The following FAM200B variants were observed in gnomAD, a reference collection of about 807,000 sequenced individuals.
FAM200B encodes protein FAM200B.
FAM200B carries 32 observed loss-of-function variants against 33.1 expected under a neutral mutation model. That is an observed-to-expected ratio of 0.97 (90% confidence interval 0.73 to 1.30). The LOEUF (loss-of-function observed/expected upper bound fraction) is 1.30. FAM200B is among the 50% of genes most tolerant of loss of function. The pLI, the probability that FAM200B is intolerant of heterozygous loss-of-function variation, is 0.00. For missense variants in FAM200B, 741 were observed against 754.0 expected, an observed-to-expected ratio of 0.98 and a Z score of 0.20; for synonymous variants, 240 against 264.8, an observed-to-expected ratio of 0.91 and a Z score of 0.91.
chr4:15,657,639 G>A, the FAM200B span, among the ~76,000 whole-genome samples: 3 of 152,236 alleles, frequency 2.0e-5, no homozygotes, highest in African/African-American at 7.2e-5. Flanking sequence ...ATGAAAGAAA[G>A]TGATTTTAAA....
Position 15,688,247 on chromosome 4 carries a change from A to C in FAM200B, c.1270A>C (p.Thr424Pro), listed in dbSNP as rs1719075107. The change falls in exon 2 of 2, where the codon ACT becomes CCT. Residue 424 changes from threonine to proline, a missense_variant. Thr to Pro is a conservative substitution (Grantham distance 38). Coordinates refer to ENST00000422728, the MANE Select transcript of FAM200B (RefSeq NM_001145191.2). ...TTTGGCAAGTATTTTTGAAGATGAT[A>C]CTTGGGTAACAAAATTGGCATATTT... The part of the protein sequence containing the change: ...SHLASIFEDD[T>P]WVTKLAYLTD... 1 of 1,549,454 alleles carries C rather than the reference A, an allele frequency of 6.5e-7. No individual in the cohort carries two copies. Among genetic ancestry groups the C allele is most frequent in the African/African-American group, 1.4e-5 (1 of 73,000 alleles).
the FAM200B span, among the ~76,000 whole-genome samples, chr4:15,654,670 G>C: frequency 6.6e-6 from 1 of 152,222 alleles, no homozygotes; most frequent in African/African-American, 2.4e-5. Flanking sequence ...AAAAGGAACC[G>C]GGTAGCTGGG....
rs992243569 is a variant in FAM200B, at chr4:15,686,712, A to G, written c.-266A>G. On this transcript the variant is annotated 5_prime_UTR_variant, in exon 2 of 2. Coordinates refer to ENST00000422728, the MANE Select transcript of FAM200B (RefSeq NM_001145191.2). ...TTGATGGAGGAGATATGATGAATAGAATGTATATTGGCTAAGAAATGGTTT... is the reference window on the plus strand; with the variant it reads ...TTGATGGAGGAGATATGATGAATAGGATGTATATTGGCTAAGAAATGGTTT... 4.3e-6 allele frequency: 1 copy of G among 234,040 alleles called. No homozygotes were observed. The highest frequency in any genetic ancestry group is 2.3e-5 in the African/African-American group (1 of 44,378). The allele number at this position is 234,040 out of a possible 1,614,324, so 14.5% of individuals were successfully genotyped here.
the FAM200B span, among the ~76,000 whole-genome samples, chr4:15,676,432 T>C: frequency 1.1e-4 from 17 of 151,670 alleles, no homozygotes; most frequent in African/African-American, 4.1e-4. Context: ...CTACAACAAA[T>C]AAATGTCAAC....
chr4:15,672,837 C>T, the FAM200B span, among the ~76,000 whole-genome samples: 5 of 152,088 alleles, frequency 3.3e-5, no homozygotes, highest in African/African-American at 1.2e-4. Flanking sequence ...CTTGTAATAA[C>T]ATTTAGCTTA....
chr4:15,664,485 T>G, the FAM200B span, among the ~76,000 whole-genome samples: 1 of 151,682 alleles, frequency 6.6e-6, no homozygotes, highest in African/African-American at 2.4e-5. Context: ...CTTATAAAGT[T>G]AAATATACTG....
At chr4:15,674,862 G>A in the FAM200B span, among the ~76,000 whole-genome samples, 3 of 152,110 alleles carry the variant, frequency 2.0e-5, no homozygotes, top group Non-Finnish European at 4.4e-5. Context: ...TGTTAGCCAG[G>A]ATGGTCTCGA....
chr4:15,660,649 G>C, the FAM200B span, among the ~76,000 whole-genome samples: 1 of 152,040 alleles, frequency 6.6e-6, no homozygotes, highest in East Asian at 1.9e-4. Context: ...GTAAAGACTT[G>C]GTCTGGGACA....
At chr4:15,656,867 C>T in the FAM200B span, among the ~76,000 whole-genome samples, 1 of 151,994 alleles carries the variant, frequency 6.6e-6, no homozygotes, top group Admixed American at 6.6e-5. Context: ...GAAATTAAGT[C>T]TTCAAGACAT....
the FAM200B span, among the ~76,000 whole-genome samples, chr4:15,655,822 C>A: frequency 6.6e-6 from 1 of 152,184 alleles, no homozygotes; most frequent in Non-Finnish European, 1.5e-5. Context: ...CTGCGATTGG[C>A]CCGTGCCAGA....
At chr4:15,645,973 T>C in the FAM200B span, among the ~76,000 whole-genome samples, 1 of 152,354 alleles carries the variant, frequency 6.6e-6, no homozygotes, top group East Asian at 1.9e-4. Context: ...CTTGCCTTTA[T>C]GGAGTTTCCA....
Position 15,687,902 on chromosome 4 carries a change from G to A in FAM200B, c.925G>A (p.Val309Ile). Residue 309 changes from valine (V) to isoleucine (I), a missense_variant, in exon 2 of 2, where the codon GTA (valine) becomes ATA (isoleucine). Physicochemically the swap from Val to Ile is conservative, Grantham distance 29. Coordinates refer to ENST00000422728, the MANE Select transcript of FAM200B (RefSeq NM_001145191.2). ...AACCATGACTGGAAAACATAGCAGA[G>A]TAATTAAAAAATTACTAGAAGTTAC... ...TATMTGKHSR[V>I]IKKLLEVTNN... 3 of 1,550,808 alleles carry A rather than the reference G, an allele frequency of 1.9e-6. No homozygotes were observed. Among genetic ancestry groups the A allele is most frequent in the Non-Finnish European group, 2.6e-6 (3 of 1,146,392 alleles).
At chr4:15,678,493 C>A (rs1199898777), upstream of FAM200B, among the ~76,000 whole-genome samples, 1 of 152,066 alleles carries the variant, frequency 6.6e-6, no homozygotes. Flanking sequence ...TTCATGCAAA[C>A]GAAGAAAAGC....
chr4:15,679,877 C>G (rs1199237571), upstream of FAM200B, among the ~76,000 whole-genome samples: 1 of 152,096 alleles, frequency 6.6e-6, no homozygotes, highest in South Asian at 2.1e-4. Flanking sequence ...AACACATTTC[C>G]TCTTGGATCC....
rs757851157 is a variant in FAM200B, at chr4:15,687,617, A to G, written c.640A>G (p.Met214Val). 6.4e-7 allele frequency: 1 copy of G among 1,550,990 alleles called. No homozygotes were observed. The highest frequency in any genetic ancestry group is 2.4e-5 in the East Asian group (1 of 40,878). ...ICTIAEHLET[M>V]LITRLQSGID... ...TACTATTGCAGAACATTTAGAAACA[A>G]TGCTTATTACTCGTTTACAGTCTGG... Residue 214 changes from methionine to valine, a missense_variant, in exon 2 of 2, where the codon ATG becomes GTG. Met to Val is a conservative substitution (Grantham distance 21). Coordinates refer to ENST00000422728, the MANE Select transcript of FAM200B (RefSeq NM_001145191.2).
chr4:15,679,384 C>T (rs1718116499), upstream of FAM200B, among the ~76,000 whole-genome samples: 1 of 151,992 alleles, frequency 6.6e-6, no homozygotes, highest in Non-Finnish European at 1.5e-5. Flanking sequence ...TATTAATTAT[C>T]CATCCAGTAG....
At chr4:15,681,347 G>T, upstream of FAM200B, 1 of 162,890 alleles carries the variant, frequency 6.1e-6, no homozygotes. Context: ...GGCCGGGAGC[G>T]CTTACCCCGC....
rs1718934415 is a variant in FAM200B, at chr4:15,687,217, A to G, written c.240A>G (p.Glu80=). The change falls in exon 2 of 2, where the codon GAA becomes GAG. Residue 80 remains glutamate, a synonymous_variant. Coordinates refer to ENST00000422728, the MANE Select transcript of FAM200B (RefSeq NM_001145191.2). ...YGFIKCEKPF[E]NDRPQCVICN... is the part of the protein sequence containing the mutation. ...TTATCAAATGTGAAAAACCCTTTGA[A>G]AATGACAGACCTCAGTGTGTTATTT... 4 of 1,540,214 alleles carry G rather than the reference A, an allele frequency of 2.6e-6. No individual in the cohort carries two copies. Among genetic ancestry groups the G allele is most frequent in the East Asian group, 2.5e-5 (1 of 40,746 alleles).
the FAM200B span, among the ~76,000 whole-genome samples, chr4:15,640,269 TGA>T: frequency 6.6e-6 from 1 of 151,576 alleles, no homozygotes; most frequent in Non-Finnish European, 1.5e-5. Flanking sequence ...CTTGAACTCG[TGA>T]GTTCAAGCAA....
Sources: gnomAD v4.1 joint callset for allele counts (sites outside exome capture counted in the v4.1 genomes callset) on GRCh38, gnomAD v4.1.1 for gene constraint, MANE v1.5 for transcripts, NCBI Gene and HGNC (gene_info 2026-07-23, HGNC 2026-07-21) for gene names.